The following WDR43 variants were observed in gnomAD, a reference collection of about 807,000 sequenced individuals.
WDR43 encodes the protein WD repeat domain 43.
WDR43 carries 13 observed loss-of-function variants against 91.4 expected under a neutral mutation model. That is an observed-to-expected ratio of 0.14 (90% CI 0.09 to 0.23). WDR43 has a LOEUF of 0.23. Ranked by LOEUF, WDR43 falls within the 10% of genes least tolerant of loss-of-function variation. The pLI is 1.00. For synonymous variants in WDR43, 331 were observed against 287.9 expected (o/e 1.15, Z -1.51); for missense variants, 780 against 809.4 (o/e 0.96, Z 0.44).
chr2:28,924,677 A>G (rs1359760460), intron 7 of WDR43, among the ~76,000 whole-genome samples: 1 of 152,088 alleles, frequency 6.6e-6, no homozygotes, highest in Non-Finnish European at 1.5e-5. Flanking sequence ...ACAGAACCAT[A>G]CAGGACCTGA....
chr2:28,917,197 T>A (rs190166182), intron 5 of WDR43, among the ~76,000 whole-genome samples: 4 of 152,344 alleles, frequency 2.6e-5, no homozygotes, highest in Admixed American at 1.3e-4. Context: ...ACATTGAATG[T>A]GTTAGGCAAC....
intron 1 of WDR43, among the ~76,000 whole-genome samples, chr2:28,901,392 C>T (rs550230181): frequency 6.6e-6 from 1 of 152,314 alleles, no homozygotes; most frequent in East Asian, 1.9e-4. Context: ...ACTGAGCCAG[C>T]CCTTGACCAG....
In WDR43 at chr2:28,894,696, G is replaced by C. The variant is rs917292701; in HGVS notation, c.-3G>C. On this transcript the variant is annotated 5_prime_UTR_variant, in exon 1 of 18. Transcript: ENST00000407426. ...ACGTGGCTGCAGCGGGGCCAGAGCA[G>C]CAATGGCGGCGGGCGGCGGCGGTAG... The C allele has an allele frequency of 1.9e-6, 3 of 1,559,982 alleles. No homozygotes were observed. Among genetic ancestry groups the C allele is most frequent in the African/African-American group, 1.4e-5 (1 of 73,470 alleles).
At chr2:28,896,806 T>C (rs1173772712) in intron 1 of WDR43, among the ~76,000 whole-genome samples, 2 of 152,208 alleles carry the variant, frequency 1.3e-5, no homozygotes, top group East Asian at 1.9e-4. Flanking sequence ...AAACTTACTT[T>C]GTCATATTGA....
At chr2:28,895,022 A>G (rs1670448926) in intron 1 of WDR43, 99 bp downstream of exon 1, 3 of 1,251,958 alleles carry the variant, frequency 2.4e-6, no homozygotes, top group East Asian at 3.1e-5. Context: ...CGTGGCTCTC[A>G]GCGGCCCGGG....
chr2:28,897,867 C>T (rs4577244), intron 1 of WDR43, among the ~76,000 whole-genome samples: 40,415 of 151,962 alleles, frequency 0.27, 6,544 homozygotes, highest in East Asian at 0.77. Flanking sequence ...GGTTTTTGTA[C>T]GTTATGTAGC....
At chr2:28,920,089 G>A (rs997723609) in intron 6 of WDR43, among the ~76,000 whole-genome samples, 5 of 151,892 alleles carry the variant, frequency 3.3e-5, no homozygotes, top group Non-Finnish European at 5.9e-5. Flanking sequence ...TGAGTGATCC[G>A]CCTGTCTCGG....
chr2:28,927,143 A>G, intron 9 of WDR43: 1 of 519,872 alleles, frequency 1.9e-6, no homozygotes, highest in South Asian at 1.4e-5. Context: ...CTGTCTGAGC[A>G]TTTCTGGCAG....
intron 12 of WDR43, among the ~76,000 whole-genome samples, chr2:28,936,406 T>C (rs1454951832): frequency 6.6e-6 from 1 of 152,184 alleles, no homozygotes; most frequent in Non-Finnish European, 1.5e-5. Flanking sequence ...GGGAAAACTC[T>C]GTACTTAAAA....
Position 28,947,272 on chromosome 2 carries a change from CTG to C in WDR43, c.*494_*495del, listed in dbSNP as rs1181733015. 3.3e-5 allele frequency: 5 copies of C among 151,984 alleles called. No individual in the cohort carries two copies. The highest frequency in any genetic ancestry group is 1.2e-4 in the African/African-American group (5 of 41,346). 9.4% of individuals were successfully genotyped at this position (151,984 alleles called of 1,614,324 possible). ...TAAAATATGAAGGGATAACTACAAA[CTG>C]GAGTAAAAATGATGGTAATTAAAAA... On this transcript the variant is annotated 3_prime_UTR_variant, in exon 18 of 18. Transcript: ENST00000407426.
Position 28,925,157 on chromosome 2 carries a change from C to G in WDR43, c.1086+4C>G. ...TCAGCCTACTATTGAGCGAGTGGTA[C>G]GTAGCTGCTACTCTGGAGTAAAGCA... On this transcript the variant is annotated splice_donor_region_variant and intron_variant, in intron 8 of 17. Coordinates refer to ENST00000407426, the MANE Select transcript of WDR43 (RefSeq NM_015131.3). The G allele has an allele frequency of 6.2e-7, 1 of 1,606,758 alleles. No homozygotes were observed. Among genetic ancestry groups the G allele is most frequent in the Non-Finnish European group, 8.5e-7 (1 of 1,175,966 alleles).
chr2:28,942,204 G>A, intron 15 of WDR43, 108 bp from the exon 16 acceptor site: 1 of 1,021,654 alleles, frequency 9.8e-7, no homozygotes, highest in Non-Finnish European at 1.5e-6. Context: ...TTATGGTGGT[G>A]GAGGGTGAGT....
In WDR43 at chr2:28,937,101, A is replaced by T. The variant is rs1468308502; in HGVS notation, c.1556+148A>T. Reference sequence around the variant, plus strand: ...CCTTATTTTAAGTTGAATGATTCTTATTCTTAGCGTTTTATTATAGTTTTC... The same window carrying T: ...CCTTATTTTAAGTTGAATGATTCTTTTTCTTAGCGTTTTATTATAGTTTTC... On this transcript the variant is annotated intron_variant, in intron 13 of 17. Transcript: ENST00000407426. The T allele has an allele frequency of 5.2e-6, 4 of 769,868 alleles. No homozygotes were observed. In the East Asian group the frequency reaches 1.1e-4, roughly 22 times the overall value. The allele number at this position is 769,868 out of a possible 1,614,324, so 47.7% of individuals were successfully genotyped here.
intron 14 of WDR43, among the ~76,000 whole-genome samples, chr2:28,939,520 G>T (rs1264925181): frequency 6.6e-6 from 1 of 152,110 alleles, no homozygotes; most frequent in African/African-American, 2.4e-5. Context: ...GGTTTTCCTC[G>T]CTCTTTTCCT....
chr2:28,901,169 A>G (rs565858322), intron 1 of WDR43, among the ~76,000 whole-genome samples: 2 of 152,250 alleles, frequency 1.3e-5, no homozygotes, highest in African/African-American at 2.4e-5. Context: ...CTAAAAACAT[A>G]TAGGCTGGTG....
At chr2:28,916,345 G>A (rs1471065692) in intron 5 of WDR43, among the ~76,000 whole-genome samples, 1 of 151,944 alleles carries the variant, frequency 6.6e-6, no homozygotes, top group Admixed American at 6.6e-5. Context: ...TTTTTTTCAA[G>A]ATGGTTGTAG....
At chr2:28,897,723 T>G (rs1423733265) in intron 1 of WDR43, among the ~76,000 whole-genome samples, 1 of 152,218 alleles carries the variant, frequency 6.6e-6, no homozygotes, top group East Asian at 1.9e-4. Flanking sequence ...GGAGAAAGAT[T>G]AGTTAGTGCT....
chr2:28,933,689 T>G (rs1341558674), intron 11 of WDR43, among the ~76,000 whole-genome samples: 1 of 152,208 alleles, frequency 6.6e-6, no homozygotes, highest in Non-Finnish European at 1.5e-5. Flanking sequence ...GAATAGACAC[T>G]TCACAATAGA....
In WDR43 at chr2:28,946,977, C is replaced by A. The variant is rs1671554610; in HGVS notation, c.*198C>A. On this transcript the variant is annotated 3_prime_UTR_variant, in exon 18 of 18. Transcript: ENST00000407426. ...AGTGTTTCATTCAAATGTTAATAAA[C>A]TTTACACAGTATATAGACACATTTT... The A allele has an allele frequency of 1.2e-5, 7 of 563,370 alleles. No individual in the cohort carries two copies. The highest frequency in any genetic ancestry group is 3.8e-5 in the African/African-American group (2 of 53,234). The allele number at this position is 563,370 out of a possible 1,614,324, so 34.9% of individuals were successfully genotyped here.
Sources: gnomAD v4.1 joint callset for allele counts (sites outside exome capture counted in the v4.1 genomes callset) on GRCh38, gnomAD v4.1.1 for gene constraint, MANE v1.5 for transcripts, NCBI Gene and HGNC (gene_info 2026-07-23, HGNC 2026-07-21) for gene names.